Variants in DCDC1 observed in about 807,000 individuals in gnomAD.
DCDC1 encodes the protein doublecortin domain containing 1.
DCDC1 carries 200 observed loss-of-function variants against 178.3 expected under a neutral mutation model. That is an observed-to-expected ratio of 1.12 (90% CI 1.00 to 1.26). The LOEUF is 1.26. DCDC1 is among the 50% of genes most tolerant of loss of function. DCDC1 has a pLI of 0.00. For synonymous variants in DCDC1, 690 were observed against 604.8 expected (o/e 1.14, Z -2.07); for missense variants, 1,983 against 1,749.2 (o/e 1.13, Z -2.38).
chr11:31,178,716 G>A (rs925856432), intron 9 of DCDC1, among the ~76,000 whole-genome samples: 5 of 151,738 alleles, frequency 3.3e-5, no homozygotes, highest in Non-Finnish European at 5.9e-5. Flanking sequence ...TTCCTGAGAC[G>A]GAGTCTTGCT....
At chr11:31,288,141 T>C (rs959972140) in intron 7 of DCDC1, among the ~76,000 whole-genome samples, 1 of 151,926 alleles carries the variant, frequency 6.6e-6, no homozygotes, top group African/African-American at 2.4e-5. Flanking sequence ...AAGATGTAAT[T>C]GGAAGAGAAT....
chr11:31,201,734 T>C (rs959816366), intron 9 of DCDC1, among the ~76,000 whole-genome samples: 1 of 149,000 alleles, frequency 6.7e-6, no homozygotes, highest in Non-Finnish European at 1.5e-5. Context: ...TTAAGAAAAA[T>C]AAGATTGTGA....
chr11:31,200,565 T>G (rs1333433648), intron 9 of DCDC1, among the ~76,000 whole-genome samples: 1 of 152,192 alleles, frequency 6.6e-6, no homozygotes, highest in East Asian at 1.9e-4. Flanking sequence ...AATTGTTAGA[T>G]CTATAACTAA....
chr11:31,255,737 T>G (rs1184741537), intron 8 of DCDC1, among the ~76,000 whole-genome samples: 1 of 152,200 alleles, frequency 6.6e-6, no homozygotes, highest in African/African-American at 2.4e-5. Flanking sequence ...CCTTTTCAGA[T>G]AGATAATTTG....
chr11:31,015,768 A>G (rs1279240020), intron 20 of DCDC1, among the ~76,000 whole-genome samples: 1 of 152,204 alleles, frequency 6.6e-6, no homozygotes, highest in Non-Finnish European at 1.5e-5. Flanking sequence ...TCGATGCTGC[A>G]AAGTTAGGGC....
At chr11:30,932,023 T>C in intron 21 of DCDC1, 71 bp from the exon 22 acceptor site, 1 of 1,410,388 alleles carries the variant, frequency 7.1e-7, no homozygotes, top group Non-Finnish European at 9.3e-7. Flanking sequence ...TTTAAAAATA[T>C]TAAACACAGT....
At chr11:31,100,143 A>C (rs1483964018) in intron 15 of DCDC1, among the ~76,000 whole-genome samples, 3 of 152,224 alleles carry the variant, frequency 2.0e-5, no homozygotes, top group Non-Finnish European at 4.4e-5. Flanking sequence ...AGAGGTCCAC[A>C]TGGGCATAAC....
At chr11:31,161,638 CT>C (rs1966321859) in intron 9 of DCDC1, among the ~76,000 whole-genome samples, 1 of 152,182 alleles carries the variant, frequency 6.6e-6, no homozygotes. Context: ...TTCCATCCCA[CT>C]TATTAGAAGC....
At chr11:30,914,500 T>C (rs953448591) in intron 27 of DCDC1, among the ~76,000 whole-genome samples, 3 of 152,192 alleles carry the variant, frequency 2.0e-5, no homozygotes, top group African/African-American at 7.2e-5. Context: ...CTTTGTACAC[T>C]ATTTCAAGAG....
intron 20 of DCDC1, among the ~76,000 whole-genome samples, chr11:31,041,185 T>C (rs758391858): frequency 7.2e-5 from 11 of 152,180 alleles, no homozygotes; most frequent in Non-Finnish European, 1.6e-4. Context: ...CTGTCCTCAT[T>C]CAGGGAGGGC....
At chr11:30,954,259 CCGGCCT>C (rs1948633581) in intron 20 of DCDC1, among the ~76,000 whole-genome samples, 1 of 152,038 alleles carries the variant, frequency 6.6e-6, no homozygotes, top group South Asian at 2.1e-4. Context: ...TCGTGATCTG[CCGGCCT>C]CGGCCTCCCA....
intron 1 of DCDC1, among the ~76,000 whole-genome samples, chr11:31,360,086 A>T (rs1951630011): frequency 6.6e-6 from 1 of 152,224 alleles, no homozygotes; most frequent in Admixed American, 6.5e-5. Flanking sequence ...CTGCCTCCTG[A>T]ATTGTCCAAG....
intron 20 of DCDC1, among the ~76,000 whole-genome samples, chr11:31,027,415 G>A (rs1590805128): frequency 6.6e-6 from 1 of 151,782 alleles, no homozygotes; most frequent in Admixed American, 6.6e-5. Context: ...GCAGATAGTT[G>A]ACATACTTAA....
intron 9 of DCDC1, among the ~76,000 whole-genome samples, chr11:31,157,466 T>C (rs145332701): frequency 0.56 from 83,560 of 148,558 alleles, 24,447 homozygotes; most frequent in East Asian, 0.93. Context: ...AATATACATA[T>C]ATATATATGT....
At chr11:31,321,787 CT>C (rs1429169780) in intron 3 of DCDC1, among the ~76,000 whole-genome samples, 1 of 152,176 alleles carries the variant, frequency 6.6e-6, no homozygotes, top group Admixed American at 6.5e-5. Context: ...CAACTCAGAA[CT>C]TACATTTTCT....
At chr11:30,891,277 G>T (rs1281150443) in intron 36 of DCDC1, among the ~76,000 whole-genome samples, 1 of 151,982 alleles carries the variant, frequency 6.6e-6, no homozygotes, top group African/African-American at 2.4e-5. Context: ...ATCTAGAATA[G>T]GGCTCTTCAT....
chr11:31,343,750 C>A (rs1950671584), intron 1 of DCDC1, among the ~76,000 whole-genome samples: 1 of 152,046 alleles, frequency 6.6e-6, no homozygotes, highest in South Asian at 2.1e-4. Flanking sequence ...GAAACCCTGT[C>A]TCTACTAAAA....
intron 5 of DCDC1, 123 bp from the exon 6 acceptor site, chr11:31,305,900 AT>A: frequency 8.9e-7 from 1 of 1,128,180 alleles, no homozygotes. Context: ...CAATACAGTT[AT>A]TTTCTAGCAG....
At position 30,925,380 on chromosome 11, in the gene DCDC1, C is replaced by A; in HGVS notation, c.2926G>T (p.Ala976Ser). ...TTTTCATTGTACAATCTCCGAGCTG[C>A]AGAAGGTAAATTTAAAATCTCAGTG... The part of the protein sequence containing the change: ...QCTEILNLPS[A>S]ARRLYNEKGK... The change falls in exon 23 of 39, where the codon GCA becomes TCA. Residue 976 changes from alanine to serine, a missense_variant. Transcript: ENST00000684477. 6.2e-7 allele frequency: 1 copy of A among 1,613,634 alleles called. No homozygotes were observed. The highest frequency in any genetic ancestry group is 8.5e-7 in the Non-Finnish European group (1 of 1,179,740).
Sources: gnomAD v4.1 joint callset for allele counts (sites outside exome capture counted in the v4.1 genomes callset) on GRCh38, gnomAD v4.1.1 for gene constraint, MANE v1.5 for transcripts, NCBI Gene and HGNC (gene_info 2026-07-23, HGNC 2026-07-21) for gene names.